TARDBP: variants seen among roughly 807,000 people sequenced by gnomAD.
TARDBP encodes the protein TAR DNA-binding protein 43.
In TARDBP, 4 loss-of-function variants were observed where a neutral mutation model predicts 38.3. That is an observed-to-expected ratio of 0.10 (90% CI 0.05 to 0.24). The LOEUF is 0.24. Ranked by LOEUF, TARDBP falls within the 10% of genes least tolerant of loss-of-function variation. TARDBP has a pLI of 1.00. For missense variants in TARDBP, 202 were observed against 521.9 expected, an observed-to-expected ratio of 0.39 and a Z score of 5.97; for synonymous variants, 184 against 183.8, an observed-to-expected ratio of 1.00 and a Z score of -0.01.
Position 11,023,049 on chromosome 1 carries a change from C to A in TARDBP, c.*395C>A. 2 of 1,445,622 alleles carry A rather than the reference C, an allele frequency of 1.4e-6. No homozygotes were observed. The highest frequency in any genetic ancestry group is 1.8e-6 in the Non-Finnish European group (2 of 1,096,328). The allele number at this position is 1,445,622 out of a possible 1,614,324, so 89.5% of individuals were successfully genotyped here. On this transcript the variant is annotated 3_prime_UTR_variant, in exon 6 of 6. Transcript: ENST00000240185. ...TTACCCCTTGTTTTAATTTGAACCC[C>A]ACCATATGGATTTTTTTCCTTAAGA...
intron 3 of TARDBP, chr1:11,018,532 A>G: frequency 1.5e-6 from 1 of 684,130 alleles, no homozygotes; most frequent in Non-Finnish European, 2.5e-6. Flanking sequence ...TCTGTTGTAT[A>G]AGTGAGTTTT....
rs1385185899 is a variant in TARDBP, at chr1:11,023,153, C to G, written c.*499C>G. The G allele has an allele frequency of 1.9e-6, 3 of 1,547,072 alleles. No homozygotes were observed. Among genetic ancestry groups the G allele is most frequent in the Non-Finnish European group, 2.6e-6 (3 of 1,144,474 alleles). ...TTTTTAACACTTGTCTCCCCTCATA[C>G]ACAAAAGTACAATATGAAGCCTTCA... On this transcript the variant is annotated 3_prime_UTR_variant, in exon 6 of 6. Coordinates refer to ENST00000240185, the MANE Select transcript of TARDBP (RefSeq NM_007375.4).
At chr1:11,029,270 G>A (rs913300107), downstream of TARDBP, among the ~76,000 whole-genome samples, 1 of 151,504 alleles carries the variant, frequency 6.6e-6, no homozygotes. Context: ...AAAGTGCTGG[G>A]ATTACAGGCG....
downstream of TARDBP, chr1:11,027,730 T>C (rs970218534): frequency 2.1e-6 from 3 of 1,451,270 alleles, no homozygotes; most frequent in African/African-American, 1.4e-5. Context: ...CCTTGAAGTA[T>C]ATATTTGATG....
At position 11,013,979 on chromosome 1, in the gene TARDBP, T is replaced by G; in HGVS notation, c.238+14T>G. On this transcript the variant is annotated intron_variant, in intron 2 of 5. Coordinates refer to ENST00000240185, the MANE Select transcript of TARDBP (RefSeq NM_007375.4). ...ACTATCCAAAAGGTTTGTTACCATT[T>G]GGTTTTTGTAATCATGCTGAAGTGT... The G allele has an allele frequency of 1.9e-6, 3 of 1,613,814 alleles. No individual in the cohort carries two copies. Among genetic ancestry groups the G allele is most frequent in the African/African-American group, 1.3e-5 (1 of 75,054 alleles).
At position 11,020,497 on chromosome 1, in the gene TARDBP, G is replaced by A. The variant is rs1333943256; in HGVS notation, c.612G>A (p.Glu204=). 1.2e-6 allele frequency: 2 copies of A among 1,614,086 alleles called. No individual in the cohort carries two copies. The highest frequency in any genetic ancestry group is 1.7e-6 in the Non-Finnish European group (2 of 1,180,010). ...FVGRCTEDMT[E]DELREFFSQY... is the part of the protein sequence containing the mutation. ...GGCGCTGTACAGAGGACATGACTGA[G>A]GATGAGCTGCGGGAGTTCTTCTCTC... The change falls in exon 5 of 6, where the codon GAG becomes GAA. Residue 204 remains glutamate (E), a synonymous_variant. Transcript: ENST00000240185.
At chr1:11,021,461 G>C (rs755926096) in intron 5 of TARDBP, among the ~76,000 whole-genome samples, 50 of 151,484 alleles carry the variant, frequency 3.3e-4, no homozygotes, top group Non-Finnish European at 5.6e-4. Context: ...ATCTTTAGTA[G>C]ATAACGGGGT....
At chr1:11,027,089 A>C (rs748118548), downstream of TARDBP, 24 of 1,601,178 alleles carry the variant, frequency 1.5e-5, no homozygotes, top group East Asian at 5.4e-4. Flanking sequence ...TTTCTAAGCC[A>C]GCACAAAGCA....
Position 11,022,615 on chromosome 1 carries a change from C to G in TARDBP, c.1206C>G (p.Gly402=). ...GCAGTGGTTTTAATGGAGGCTTTGG[C>G]TCAAGCATGGATTCTAAGTCTTCTG... is the stretch of plus-strand genomic sequence containing the variant. ...GSGSGFNGGF[G]SSMDSKSSGW... is the part of the protein sequence containing the mutation. The change falls in exon 6 of 6, where the codon GGC becomes GGG. Residue 402 remains glycine (G), a synonymous_variant. Transcript: ENST00000240185. This position sits in a 1 kb window ranked among gnomAD's most constrained non-coding sequence, Gnocchi z 4.5. 1 of 1,602,808 alleles carries G rather than the reference C, an allele frequency of 6.2e-7. No individual in the cohort carries two copies.
downstream of TARDBP, chr1:11,026,449 C>G (rs1205929340): frequency 6.5e-6 from 1 of 153,714 alleles, no homozygotes; most frequent in African/African-American, 2.4e-5. Flanking sequence ...TGTTTCCAAC[C>G]TACCTACCCA....
At chr1:11,019,519 T>C (rs1417810432) in intron 4 of TARDBP, among the ~76,000 whole-genome samples, 1 of 152,182 alleles carries the variant, frequency 6.6e-6, no homozygotes, top group African/African-American at 2.4e-5. Context: ...CCATCTAGCC[T>C]AGATGTGGGG....
downstream of TARDBP, among the ~76,000 whole-genome samples, chr1:11,028,606 C>G (rs1643779370): frequency 6.6e-6 from 1 of 151,894 alleles, no homozygotes; most frequent in Admixed American, 6.6e-5. Flanking sequence ...GCATTAATAC[C>G]TACAGACGTT....
downstream of TARDBP, chr1:11,027,008 CCTCT>C (rs760383936): frequency 1.8e-5 from 28 of 1,599,332 alleles, no homozygotes; most frequent in Non-Finnish European, 1.9e-5. Context: ...CCACAAACCA[CCTCT>C]CTGTTTCACT....
rs1643715446 is a variant in TARDBP, at chr1:11,025,421, T to C, written c.*2767T>C. ...AAAGATTTGTTTTTAAAAATCTATT[T>C]GGTCAATCTAAATGCATTCATTCTA... On this transcript the variant is annotated 3_prime_UTR_variant, in exon 6 of 6. Transcript: ENST00000240185. The C allele has an allele frequency of 6.6e-6, 1 of 152,218 alleles. No homozygotes were observed. The highest frequency in any genetic ancestry group is 2.1e-4 in the South Asian group (1 of 4,836). 9.4% of individuals were successfully genotyped at this position (152,218 alleles called of 1,614,324 possible).
At chr1:11,027,215 T>G (rs144471433), downstream of TARDBP, 2,792 of 1,614,208 alleles carry the variant, frequency 1.7e-3, 67 homozygotes, top group East Asian at 0.05. Flanking sequence ...GAAAACCCCT[T>G]TGGGTTAATC....
rs1251081068 is a variant in TARDBP, at chr1:11,022,387, C to G, written c.978C>G (p.Ala326=). The stretch of plus-strand genomic sequence containing the variant: ...TTAATCCAGCCATGATGGCTGCCGC[C>G]CAGGCAGCACTACAGAGCAGTTGGG... The part of the protein sequence containing the change: ...FSINPAMMAA[A]QAALQSSWGM... The change falls in exon 6 of 6, where the codon GCC becomes GCG. Residue 326 remains alanine, a synonymous_variant. Coordinates refer to ENST00000240185, the MANE Select transcript of TARDBP (RefSeq NM_007375.4). The surrounding 1 kb of genome is among the most constrained non-coding windows in gnomAD (Gnocchi z 4.5). 1 of 1,613,950 alleles carries G rather than the reference C, an allele frequency of 6.2e-7. No homozygotes were observed. Among genetic ancestry groups the G allele is most frequent in the Non-Finnish European group, 8.5e-7 (1 of 1,179,862 alleles).
At position 11,023,238 on chromosome 1, in the gene TARDBP, T is replaced by C; in HGVS notation, c.*584T>C. On this transcript the variant is annotated 3_prime_UTR_variant, in exon 6 of 6. Transcript: ENST00000240185. ...TATGGAAGAAGCACTTCATTGAAAG[T>C]AGTGCTGTAAATATTCTGCCATAGG... is the stretch of plus-strand genomic sequence containing the variant. 1.3e-6 allele frequency: 2 copies of C among 1,550,482 alleles called. No homozygotes were observed. The highest frequency in any genetic ancestry group is 1.7e-6 in the Non-Finnish European group (2 of 1,146,836).
intron 4 of TARDBP, 98 bp from the exon 5 acceptor site, chr1:11,020,331 A>G (rs547782395): frequency 4.1e-5 from 60 of 1,454,066 alleles, no homozygotes; most frequent in South Asian, 5.8e-5. Flanking sequence ...GTTCACTGCT[A>G]TCCAAGGCGA....
At chr1:11,028,708 T>TG (rs1643785904), downstream of TARDBP, among the ~76,000 whole-genome samples, 2 of 35,106 alleles carry the variant, frequency 5.7e-5, no homozygotes, top group African/African-American at 9.6e-5. Flanking sequence ...TTTTTTTTCT[T>TG]TTTTTTTTTT....
Sources: allele counts gnomAD v4.1 joint callset (sites outside exome capture counted in the v4.1 genomes callset), GRCh38; gene constraint gnomAD v4.1.1; non-coding constraint Gnocchi (gnomAD v3.1); transcripts MANE v1.5; gene names NCBI Gene and HGNC (gene_info 2026-07-23, HGNC 2026-07-21).